RSBN1: variants seen among roughly 807,000 people sequenced by gnomAD.
RSBN1 encodes the protein lysine-specific demethylase 9.
RSBN1 carries 23 observed loss-of-function variants against 74.8 expected under a neutral mutation model. That is an observed-to-expected ratio of 0.31 (90% CI 0.22 to 0.44). The LOEUF (loss-of-function observed/expected upper bound fraction) is 0.44. Among genes scored for constraint, RSBN1 ranks in the 20% least tolerant of loss-of-function variants. The probability of loss-of-function intolerance (pLI) is 1.00; values close to 1 mark genes in which losing one functional copy is unlikely to be tolerated. For missense variants in RSBN1, 808 were observed against 1,020.9 expected, an observed-to-expected ratio of 0.79 and a Z score of 2.84; for synonymous variants, 407 against 379.6, an observed-to-expected ratio of 1.07 and a Z score of -0.84.
chr1:113,810,441 G>C (rs1220814123), intron 1 of RSBN1, among the ~76,000 whole-genome samples: 1 of 150,972 alleles, frequency 6.6e-6, no homozygotes, highest in African/African-American at 2.4e-5. Flanking sequence ...GGGAATAAAA[G>C]TAAAAATAAA....
chr1:113,803,612 TAATA>T (rs889168223), intron 1 of RSBN1, among the ~76,000 whole-genome samples: 2 of 152,176 alleles, frequency 1.3e-5, no homozygotes, highest in Non-Finnish European at 2.9e-5. Flanking sequence ...TCCTAGAACA[TAATA>T]AATACTCAAT....
At chr1:113,773,242 G>A (rs1304818720) in intron 4 of RSBN1, among the ~76,000 whole-genome samples, 1 of 152,224 alleles carries the variant, frequency 6.6e-6, no homozygotes, top group East Asian at 1.9e-4. Flanking sequence ...AGACATTTTT[G>A]GGTTGGGCGT....
chr1:113,798,352 T>C (rs546463762), intron 1 of RSBN1, among the ~76,000 whole-genome samples: 30 of 152,256 alleles, frequency 2.0e-4, no homozygotes, highest in Middle Eastern at 3.4e-3. Context: ...GTATGAAACA[T>C]TATACGATAG....
chr1:113,793,589 A>G (rs1660412007), intron 2 of RSBN1, among the ~76,000 whole-genome samples: 1 of 151,492 alleles, frequency 6.6e-6, no homozygotes, highest in South Asian at 2.1e-4. Flanking sequence ...GCATCTCCGC[A>G]TCTCCTGCAT....
chr1:113,777,519 A>G, intron 3 of RSBN1, 152 bp downstream of exon 3: 1 of 895,404 alleles, frequency 1.1e-6, no homozygotes, highest in South Asian at 2.4e-5. Flanking sequence ...GAATTTAAGT[A>G]CTTTGTACTA....
chr1:113,807,883 A>C (rs936187283), intron 1 of RSBN1, among the ~76,000 whole-genome samples: 3 of 152,076 alleles, frequency 2.0e-5, no homozygotes, highest in African/African-American at 7.2e-5. Flanking sequence ...TGACCAGGAT[A>C]TATAGACAGC....
chr1:113,794,935 A>C (rs184001111), intron 2 of RSBN1, among the ~76,000 whole-genome samples: 1 of 152,336 alleles, frequency 6.6e-6, no homozygotes, highest in East Asian at 1.9e-4. Context: ...TTTAAACTAT[A>C]AATAACTTCC....
chr1:113,789,612 G>A (rs1660326214), intron 2 of RSBN1, among the ~76,000 whole-genome samples: 2 of 152,156 alleles, frequency 1.3e-5, no homozygotes, highest in African/African-American at 4.8e-5. Flanking sequence ...GGAAGGAGAG[G>A]CCAGTCCTGG....
chr1:113,800,601 T>C (rs1402975742), intron 1 of RSBN1, among the ~76,000 whole-genome samples: 1 of 152,218 alleles, frequency 6.6e-6, no homozygotes, highest in Non-Finnish European at 1.5e-5. Flanking sequence ...AAATAGATCT[T>C]GTTATTTTAA....
chr1:113,767,708 G>C (rs1031482028), intron 5 of RSBN1, among the ~76,000 whole-genome samples: 9 of 152,094 alleles, frequency 5.9e-5, no homozygotes, highest in Non-Finnish European at 1.2e-4. Context: ...AAAGCCAAAA[G>C]GTAGAAGCAA....
At chr1:113,782,845 AG>A (rs1660164908) in intron 2 of RSBN1, among the ~76,000 whole-genome samples, 1 of 152,182 alleles carries the variant, frequency 6.6e-6, no homozygotes, top group Non-Finnish European at 1.5e-5. Flanking sequence ...AACTGGGGTG[AG>A]GTGATATCTA....
chr1:113,768,489 C>T (rs563542577), intron 4 of RSBN1, 100 bp from the exon 5 acceptor site: 75 of 793,932 alleles, frequency 9.4e-5, no homozygotes, highest in Admixed American at 2.5e-4. Context: ...TGCTAAAATA[C>T]CAGATTTAAA....
chr1:113,793,824 T>C (rs573398831), intron 2 of RSBN1, among the ~76,000 whole-genome samples: 32 of 152,206 alleles, frequency 2.1e-4, no homozygotes, highest in African/African-American at 7.5e-4. Flanking sequence ...CCCGCCACCA[T>C]GTCAGCTAAT....
intron 4 of RSBN1, among the ~76,000 whole-genome samples, chr1:113,772,341 T>C (rs1659900134): frequency 6.6e-6 from 1 of 152,002 alleles, no homozygotes; most frequent in African/African-American, 2.4e-5. Flanking sequence ...AAACATGACA[T>C]GTATATCATA....
intron 1 of RSBN1, among the ~76,000 whole-genome samples, chr1:113,801,563 T>G (rs576965872): frequency 2.0e-5 from 3 of 152,370 alleles, no homozygotes; most frequent in African/African-American, 7.2e-5. Flanking sequence ...GTCCAAAGTC[T>G]TCTTCACAAC....
chr1:113,778,259 G>A (rs571787776), intron 2 of RSBN1, among the ~76,000 whole-genome samples: 30 of 151,338 alleles, frequency 2.0e-4, no homozygotes, highest in Admixed American at 7.2e-4. Flanking sequence ...ACCAGGATAC[G>A]AGGCTCACTG....
chr1:113,799,362 T>C (rs1660535062), intron 1 of RSBN1, among the ~76,000 whole-genome samples: 1 of 152,086 alleles, frequency 6.6e-6, no homozygotes, highest in Non-Finnish European at 1.5e-5. Flanking sequence ...TCTTATGATC[T>C]AATTGTACAA....
chr1:113,776,787 G>A (rs529059534), intron 4 of RSBN1, among the ~76,000 whole-genome samples: 7 of 148,950 alleles, frequency 4.7e-5, no homozygotes, highest in African/African-American at 1.5e-4. Context: ...TCTAGCTCTG[G>A]GCAACAGAGT....
At position 113,781,403 on chromosome 1, in the gene RSBN1, A is replaced by G. The variant is rs571552389; in HGVS notation, c.1378-3595T>C. Among the ~76,000 whole-genome samples, 80 of 152,290 alleles carry G rather than the reference A, an allele frequency of 5.3e-4. No individual in the cohort carries two copies. The South Asian group carries it at 8.3e-3, about 16-fold the overall frequency. Reference sequence around the variant, plus strand: ...AACCAAATTCAAGGAATGCTTTGCAATCACCTGCTTTCTTGATTTCCCTTT... The same window carrying G: ...AACCAAATTCAAGGAATGCTTTGCAGTCACCTGCTTTCTTGATTTCCCTTT... On this transcript the variant is annotated intron_variant, in intron 2 of 6. Coordinates refer to ENST00000261441, the MANE Select transcript of RSBN1 (RefSeq NM_018364.5).
Sources: allele counts gnomAD v4.1 joint callset (sites outside exome capture counted in the v4.1 genomes callset), GRCh38; gene constraint gnomAD v4.1.1; transcripts MANE v1.5; gene names NCBI Gene and HGNC (gene_info 2026-07-23, HGNC 2026-07-21).